HNF4G: variants seen among roughly 807,000 people sequenced by gnomAD.
HNF4G encodes hepatocyte nuclear factor 4 gamma, also known as hepatocyte nuclear factor 4-gamma.
HNF4G carries 21 observed loss-of-function variants against 50.9 expected under a neutral mutation model. The observed-to-expected ratio is 0.41, with a 90% confidence interval of 0.29 to 0.59. The LOEUF is 0.59. Among genes scored for constraint, HNF4G ranks in the 20% least tolerant of loss-of-function variants. The probability of loss-of-function intolerance (pLI) is 0.26; values close to 1 mark genes in which losing one functional copy is unlikely to be tolerated. For synonymous variants in HNF4G, 198 were observed against 185.6 expected (o/e 1.07, Z -0.54); for missense variants, 527 against 559.4 (o/e 0.94, Z 0.58).
At chr8:75,414,278 C>CT (rs930870310) in intron 1 of HNF4G, among the ~76,000 whole-genome samples, 12 of 150,436 alleles carry the variant, frequency 8.0e-5, no homozygotes, top group South Asian at 2.1e-4. Flanking sequence ...CCTTTTATGT[C>CT]TTTTTTTTTA....
chr8:75,502,321 A>T (rs1812951611), intron 2 of HNF4G, among the ~76,000 whole-genome samples: 1 of 152,224 alleles, frequency 6.6e-6, no homozygotes, highest in Non-Finnish European at 1.5e-5. Flanking sequence ...CCTCATGAGG[A>T]TACCCTGTAT....
chr8:75,565,468 C>G lies in HNF4G; in HGVS notation c.*1372C>G, dbSNP rs1807436716. 6.6e-6 allele frequency: 1 copy of G among 152,046 alleles called. No individual in the cohort carries two copies. The highest frequency in any genetic ancestry group is 2.4e-5 in the African/African-American group (1 of 41,408). The allele number at this position is 152,046 out of a possible 1,614,324, so 9.4% of individuals were successfully genotyped here. On this transcript the variant is annotated 3_prime_UTR_variant, in exon 10 of 10. Coordinates refer to ENST00000396423, the MANE Select transcript of HNF4G (RefSeq NM_004133.5). ...TAGCAGATTCTTTGAAATGTAGCAG[C>G]CCAGGGATGTACCAAATGTCGAATT...
intron 1 of HNF4G, among the ~76,000 whole-genome samples, chr8:75,469,130 A>C (rs1812057845): frequency 6.6e-6 from 1 of 152,206 alleles, no homozygotes; most frequent in Non-Finnish European, 1.5e-5. Flanking sequence ...TGCAGGTGGA[A>C]GGAGCAGCAG....
At chr8:75,472,272 C>T (rs1812131362) in intron 1 of HNF4G, among the ~76,000 whole-genome samples, 1 of 152,076 alleles carries the variant, frequency 6.6e-6, no homozygotes, top group Non-Finnish European at 1.5e-5. Context: ...CTTAGAAATT[C>T]TTTTTTCTAA....
At chr8:75,447,660 C>T (rs1811456318) in intron 1 of HNF4G, among the ~76,000 whole-genome samples, 1 of 152,166 alleles carries the variant, frequency 6.6e-6, no homozygotes, top group South Asian at 2.1e-4. Context: ...TACATTTATA[C>T]AGCCAAAAAA....
chr8:75,530,372 C>A (rs1256243663), intron 2 of HNF4G, among the ~76,000 whole-genome samples: 4 of 151,384 alleles, frequency 2.6e-5, no homozygotes, highest in Non-Finnish European at 4.4e-5. Flanking sequence ...GTGACTCCTT[C>A]ATTTATTATA....
chr8:75,537,145 GT>G (rs1484546164), upstream of HNF4G, among the ~76,000 whole-genome samples: 2 of 152,106 alleles, frequency 1.3e-5, no homozygotes, highest in Non-Finnish European at 2.9e-5. Context: ...GTTACCTAGT[GT>G]ATGACTGCCA....
upstream of HNF4G, among the ~76,000 whole-genome samples, chr8:75,535,628 CAAAG>C (rs1228213182): frequency 6.6e-6 from 1 of 151,712 alleles, no homozygotes; most frequent in African/African-American, 2.4e-5. Flanking sequence ...AAAATAATCT[CAAAG>C]AAATAAGTTT....
chr8:75,554,385 A>T (rs1807054874), intron 5 of HNF4G, among the ~76,000 whole-genome samples: 1 of 152,202 alleles, frequency 6.6e-6, no homozygotes, highest in Admixed American at 6.5e-5. Context: ...AACAGTTTTA[A>T]TTTGCCAACT....
intron 1 of HNF4G, among the ~76,000 whole-genome samples, chr8:75,454,225 C>G (rs1381879478): frequency 1.3e-5 from 2 of 152,062 alleles, no homozygotes; most frequent in African/African-American, 2.4e-5. Context: ...CTCAATTCTG[C>G]TAGCACCCTG....
chr8:75,526,506 C>A (rs566036700), intron 2 of HNF4G, among the ~76,000 whole-genome samples: 34 of 151,230 alleles, frequency 2.2e-4, no homozygotes, highest in African/African-American at 8.3e-4. Flanking sequence ...GAAAGTAAGT[C>A]TCCTTCTCCT....
rs1807468433 is a variant in HNF4G, at chr8:75,566,659, A to G, written c.*2563A>G. The G allele has an allele frequency of 6.6e-6, 1 of 152,448 alleles. No individual in the cohort carries two copies. The highest frequency in any genetic ancestry group is 1.5e-5 in the Non-Finnish European group (1 of 68,000). The allele number at this position is 152,448 out of a possible 1,614,324, so 9.4% of individuals were successfully genotyped here. A position where few individuals can be genotyped will look rare whatever the true frequency, so the allele number is the denominator to read the frequency against. ...TTCAGGTAATAGAAGTGAATAATTT[A>G]TTGTGAAATAATTCATTTTATAAAT... On this transcript the variant is annotated 3_prime_UTR_variant, in exon 10 of 10. Coordinates refer to ENST00000396423, the MANE Select transcript of HNF4G (RefSeq NM_004133.5).
At chr8:75,469,463 A>G (rs1168649898) in intron 1 of HNF4G, among the ~76,000 whole-genome samples, 1 of 152,214 alleles carries the variant, frequency 6.6e-6, no homozygotes, top group Non-Finnish European at 1.5e-5. Context: ...TGCCATTATC[A>G]GAAACTTTCT....
exon 2 of HNF4G, chr8:75,490,189 C>T (rs969293456): frequency 1.2e-4 from 18 of 152,620 alleles, no homozygotes; most frequent in African/African-American, 3.4e-4. Flanking sequence ...AATATAGACT[C>T]CGTTCCCTAC....
chr8:75,454,609 G>A (rs542389876), intron 1 of HNF4G, among the ~76,000 whole-genome samples: 4 of 152,198 alleles, frequency 2.6e-5, no homozygotes, highest in Admixed American at 6.5e-5. Flanking sequence ...GCTTCTACCC[G>A]CTGTGCTTGC....
At chr8:75,410,687 C>T (rs541572428) in intron 1 of HNF4G, among the ~76,000 whole-genome samples, 1 of 152,056 alleles carries the variant, frequency 6.6e-6, no homozygotes, top group Non-Finnish European at 1.5e-5. Context: ...AGATTCACAC[C>T]CCTAGGGCAA....
chr8:75,523,695 T>G (rs1200120690), intron 2 of HNF4G, among the ~76,000 whole-genome samples: 4 of 151,996 alleles, frequency 2.6e-5, no homozygotes, highest in African/African-American at 9.7e-5. Flanking sequence ...ATGCAATGAA[T>G]TTTTTAAAAA....
chr8:75,471,733 G>A (rs917276593), intron 1 of HNF4G, among the ~76,000 whole-genome samples: 1 of 152,124 alleles, frequency 6.6e-6, no homozygotes, highest in Non-Finnish European at 1.5e-5. Flanking sequence ...ACATTGGAGG[G>A]ATCATTTTCA....
At chr8:75,436,777 C>T (rs1045676518) in intron 1 of HNF4G, among the ~76,000 whole-genome samples, 13 of 152,222 alleles carry the variant, frequency 8.5e-5, no homozygotes, top group Non-Finnish European at 1.9e-4. Context: ...GGCACAGTGG[C>T]TCACACCTGT....
Sources: gnomAD v4.1 joint callset for allele counts (sites outside exome capture counted in the v4.1 genomes callset) on GRCh38, gnomAD v4.1.1 for gene constraint, MANE v1.5 for transcripts, NCBI Gene and HGNC (gene_info 2026-07-23, HGNC 2026-07-21) for gene names.